Variants in AXDND1 observed in about 807,000 individuals in gnomAD.
AXDND1 encodes axonemal dynein light chain domain containing 1, also known as axonemal dynein light chain domain-containing protein 1.
A neutral mutation model predicts 137.5 loss-of-function variants in AXDND1; 110 were observed. The observed-to-expected ratio is 0.80, with a 90% CI of 0.69 to 0.94. AXDND1 has a LOEUF of 0.94. AXDND1 is among the 40% of genes least tolerant of loss of function. The pLI, the probability that AXDND1 is intolerant of heterozygous loss-of-function variation, is 0.00. For synonymous variants in AXDND1, 414 were observed against 399.7 expected, an observed-to-expected ratio of 1.04 and a Z score of -0.43; for missense variants, 1,191 against 1,169.8, an observed-to-expected ratio of 1.02 and a Z score of -0.26.
chr1:179,401,349 C>G (rs1250318441), intron 11 of AXDND1, among the ~76,000 whole-genome samples: 1 of 150,948 alleles, frequency 6.6e-6, no homozygotes, highest in Non-Finnish European at 1.5e-5. Context: ...CCAAGTTTTT[C>G]CAAAATACAT....
intron 17 of AXDND1, among the ~76,000 whole-genome samples, chr1:179,479,869 G>A (rs907175357): frequency 6.6e-6 from 1 of 152,162 alleles, no homozygotes; most frequent in Non-Finnish European, 1.5e-5. Context: ...CTAAGACAGG[G>A]GCAAAATGCT....
chr1:179,524,187 T>C (rs1208180413), intron 21 of AXDND1, among the ~76,000 whole-genome samples: 3 of 152,150 alleles, frequency 2.0e-5, no homozygotes, highest in African/African-American at 7.2e-5. Flanking sequence ...AATGACTGCT[T>C]TTTCTCTGGG....
At chr1:179,510,660 A>G (rs751564958) in intron 21 of AXDND1, among the ~76,000 whole-genome samples, 34 of 152,214 alleles carry the variant, frequency 2.2e-4, no homozygotes, top group Admixed American at 7.9e-4. Flanking sequence ...GGAAAAAATC[A>G]AGGAACTGTA....
Position 179,424,674 on chromosome 1 carries a change from C to G in AXDND1, c.1231-4844C>G, listed in dbSNP as rs533977385. 3.0e-3 allele frequency among the ~76,000 whole-genome samples: 453 copies of G among 152,156 alleles called. 1 individual carries two copies. The highest frequency in any genetic ancestry group is 4.7e-3 in the Non-Finnish European group (317 of 67,988). Reference sequence around the variant, plus strand: ...CAAACTCCTGATCTCAGGTGATCCACCTGCCCCGGCCTCCCAAAGTGCTAG... The same window carrying G: ...CAAACTCCTGATCTCAGGTGATCCAGCTGCCCCGGCCTCCCAAAGTGCTAG... On this transcript the variant is annotated intron_variant, in intron 12 of 25. Transcript: ENST00000367618.
intron 6 of AXDND1, 90 bp downstream of exon 6, chr1:179,379,572 T>A (rs1056519569): frequency 6.6e-7 from 1 of 1,509,730 alleles, no homozygotes; most frequent in Non-Finnish European, 8.9e-7. Flanking sequence ...GGCGGGTGGA[T>A]CATCTGAGGT....
At chr1:179,393,497 C>G (rs1650523338) in intron 9 of AXDND1, among the ~76,000 whole-genome samples, 2 of 151,186 alleles carry the variant, frequency 1.3e-5, no homozygotes, top group South Asian at 2.1e-4. Context: ...TTTTCCAGTT[C>G]TGTGAAGAAT....
chr1:179,416,558 G>C (rs1219316916), intron 12 of AXDND1, among the ~76,000 whole-genome samples: 2 of 152,168 alleles, frequency 1.3e-5, no homozygotes, highest in Non-Finnish European at 2.9e-5. Flanking sequence ...GGAGACAAAA[G>C]TGACTCCATG....
intron 6 of AXDND1, among the ~76,000 whole-genome samples, chr1:179,381,062 C>T (rs1216987251): frequency 6.8e-5 from 7 of 102,730 alleles, no homozygotes; most frequent in Admixed American, 1.4e-4. Flanking sequence ...TTCTTTGAGA[C>T]GGAGTTTCGC....
chr1:179,507,057 C>A, intron 20 of AXDND1: 1 of 235,166 alleles, frequency 4.3e-6, no homozygotes, highest in Non-Finnish European at 6.9e-6. Context: ...TTCTGTTTCT[C>A]CTGCTACAAT....
intron 2 of AXDND1, among the ~76,000 whole-genome samples, chr1:179,367,046 T>C (rs981152681): frequency 2.0e-5 from 3 of 151,638 alleles, no homozygotes; most frequent in African/African-American, 7.3e-5. Flanking sequence ...TATGATGAAA[T>C]CCCGTCTCTA....
intron 5 of AXDND1, among the ~76,000 whole-genome samples, 181 bp downstream of exon 5, chr1:179,378,938 C>T (rs1206950774): frequency 6.6e-6 from 1 of 152,078 alleles, no homozygotes; most frequent in Non-Finnish European, 1.5e-5. Flanking sequence ...GGGTATTTAG[C>T]AGGAAAAGAT....
chr1:179,410,960 A>T (rs1455377919), intron 11 of AXDND1, among the ~76,000 whole-genome samples, 186 bp from the exon 12 acceptor site: 1 of 152,224 alleles, frequency 6.6e-6, no homozygotes, highest in Non-Finnish European at 1.5e-5. Context: ...ATTAAATGTG[A>T]GTATTTTTCT....
intron 21 of AXDND1, among the ~76,000 whole-genome samples, chr1:179,521,913 A>G (rs1371615679): frequency 2.0e-5 from 3 of 152,064 alleles, no homozygotes; most frequent in East Asian, 3.9e-4. Flanking sequence ...AAGTGAATTC[A>G]TCTCTTCTCT....
intron 25 of AXDND1, among the ~76,000 whole-genome samples, chr1:179,537,363 AG>A: frequency 6.6e-6 from 1 of 152,140 alleles, no homozygotes; most frequent in South Asian, 2.1e-4. Flanking sequence ...TATTATCTTG[AG>A]ATACGTTCCA....
At chr1:179,384,266 A>G (rs893775252) in intron 8 of AXDND1, among the ~76,000 whole-genome samples, 16 of 152,142 alleles carry the variant, frequency 1.1e-4, no homozygotes, top group East Asian at 3.8e-4. Context: ...CTCTGTCTAC[A>G]TATGCATCAC....
At chr1:179,494,947 C>T (rs1361903084) in intron 20 of AXDND1, among the ~76,000 whole-genome samples, 2 of 152,036 alleles carry the variant, frequency 1.3e-5, no homozygotes, top group South Asian at 2.1e-4. Context: ...GTTTTAGCAC[C>T]ATTTGCTGAA....
chr1:179,502,562 TAAAAAAAAAAAA>T (rs35740934), intron 20 of AXDND1, among the ~76,000 whole-genome samples: 3 of 81,078 alleles, frequency 3.7e-5, no homozygotes, highest in South Asian at 4.8e-4. Context: ...AAACTCTGTC[TAAAAAAAAAAAA>T]AAAAAAAAAA....
intron 17 of AXDND1, among the ~76,000 whole-genome samples, chr1:179,470,160 T>C (rs1663746181): frequency 6.6e-6 from 1 of 152,202 alleles, no homozygotes; most frequent in Non-Finnish European, 1.5e-5. Context: ...TTCTATCACA[T>C]TGATCTATAT....
At chr1:179,546,049 C>G (rs1404493141) in intron 25 of AXDND1, 1 of 152,172 alleles carries the variant, frequency 6.6e-6, no homozygotes, top group Non-Finnish European at 1.5e-5. Flanking sequence ...TCCAGTGCTA[C>G]CACCAAACAA....
Sources: allele counts gnomAD v4.1 joint callset (sites outside exome capture counted in the v4.1 genomes callset), GRCh38; gene constraint gnomAD v4.1.1; transcripts MANE v1.5; gene names NCBI Gene and HGNC (gene_info 2026-07-23, HGNC 2026-07-21).